The following CFAP52 variants were observed in gnomAD, a reference collection of about 807,000 sequenced individuals.
CFAP52 encodes cilia- and flagella-associated protein 52.
In CFAP52, 57 loss-of-function variants were observed where a neutral mutation model predicts 70.5. The observed-to-expected ratio is 0.81, with a 90% CI of 0.65 to 1.01. The LOEUF (loss-of-function observed/expected upper bound fraction) is 1.01. Among genes scored for constraint, CFAP52 ranks in the 50% least tolerant of loss-of-function variants. The probability of loss-of-function intolerance (pLI) is 0.00; values close to 1 mark genes in which losing one functional copy is unlikely to be tolerated. For synonymous variants in CFAP52, 267 were observed against 292.5 expected, an observed-to-expected ratio of 0.91 and a Z score of 0.89; for missense variants, 785 against 788.5, an observed-to-expected ratio of 1.00 and a Z score of 0.05.
chr17:9,588,986 C>T (rs1215884113), intron 3 of CFAP52, among the ~76,000 whole-genome samples: 1 of 152,088 alleles, frequency 6.6e-6, no homozygotes, highest in Non-Finnish European at 1.5e-5. Context: ...CCTGTAATCC[C>T]AGCTACTTGG....
chr17:9,600,454 G>A (rs891727713), intron 6 of CFAP52, among the ~76,000 whole-genome samples: 1 of 151,514 alleles, frequency 6.6e-6, no homozygotes, highest in Non-Finnish European at 1.5e-5. Context: ...TGTTGGCTAG[G>A]CTAATCTTGA....
chr17:9,591,030 C>CT (rs34888799), intron 3 of CFAP52, among the ~76,000 whole-genome samples: 63,809 of 77,044 alleles, frequency 0.83, 27,045 homozygotes, highest in South Asian at 0.93. Context: ...TTGCATGCAT[C>CT]TTTTTTTTTT....
In CFAP52 at chr17:9,632,768, T is replaced by C. The variant is rs901362297; in HGVS notation, c.1175-120T>C. ...GGTGACCAGCATTCAGCTGAGCTGG[T>C]CTCTTTCCTCCAGCACAGCACCACT... is the stretch of plus-strand genomic sequence containing the variant. On this transcript the variant is annotated intron_variant, in intron 9 of 13. Coordinates refer to ENST00000352665, the MANE Select transcript of CFAP52 (RefSeq NM_145054.5). The C allele has an allele frequency of 4.4e-5, 62 of 1,399,966 alleles. 1 individual carries two copies. Among genetic ancestry groups the C allele is most frequent in the Non-Finnish European group, 5.9e-5 (62 of 1,050,768 alleles). 86.7% of individuals were successfully genotyped at this position (1,399,966 alleles called of 1,614,324 possible). A position where few individuals can be genotyped will look rare whatever the true frequency, so the allele number is the denominator to read the frequency against.
chr17:9,612,232 C>A, intron 7 of CFAP52, 77 bp from the exon 8 acceptor site: 1 of 1,529,520 alleles, frequency 6.5e-7, no homozygotes, highest in Non-Finnish European at 8.9e-7. Flanking sequence ...GATTTGTATC[C>A]TCTGCCATGC....
At chr17:9,636,228 AAAGAAAG>A (rs1910791286) in intron 11 of CFAP52, among the ~76,000 whole-genome samples, 1 of 150,174 alleles carries the variant, frequency 6.7e-6, no homozygotes, top group African/African-American at 2.5e-5. Flanking sequence ...AGAAAGAAAG[AAAGAAAG>A]AAAGAAAGAA....
At chr17:9,630,637 A>G (rs1910437819) in intron 9 of CFAP52, among the ~76,000 whole-genome samples, 1 of 150,202 alleles carries the variant, frequency 6.7e-6, no homozygotes, top group South Asian at 2.1e-4. Context: ...TCACCGTGTT[A>G]GCCAGGATGG....
chr17:9,599,217 G>C (rs1909156936), intron 5 of CFAP52, among the ~76,000 whole-genome samples: 1 of 152,120 alleles, frequency 6.6e-6, no homozygotes, highest in Non-Finnish European at 1.5e-5. Flanking sequence ...ATGTGCTAAT[G>C]AGCATTTCCT....
chr17:9,640,229 T>A (rs1003132399), intron 12 of CFAP52, among the ~76,000 whole-genome samples: 30 of 151,600 alleles, frequency 2.0e-4, no homozygotes, highest in African/African-American at 4.8e-4. Flanking sequence ...GCACTCTTTT[T>A]TTTTTTTTTT....
chr17:9,580,203 C>A (rs868306563), intron 1 of CFAP52, among the ~76,000 whole-genome samples: 35 of 151,916 alleles, frequency 2.3e-4, no homozygotes, highest in African/African-American at 8.2e-4. Flanking sequence ...TGTAGCTATG[C>A]CCATTTGTTT....
At chr17:9,639,430 TA>T (rs796910382) in intron 12 of CFAP52, among the ~76,000 whole-genome samples, 529 of 140,840 alleles carry the variant, frequency 3.8e-3, no homozygotes, top group South Asian at 5.0e-3. Flanking sequence ...GACTCTCTCT[TA>T]AAAAAAAAAA....
chr17:9,623,666 CT>C (rs200546540), intron 8 of CFAP52, among the ~76,000 whole-genome samples: 141 of 142,616 alleles, frequency 9.9e-4, no homozygotes, highest in African/African-American at 3.7e-3. Flanking sequence ...CTTTGCTTAG[CT>C]TTTTTTGTTT....
At chr17:9,581,471 G>C (rs1330204316) in intron 1 of CFAP52, among the ~76,000 whole-genome samples, 2 of 152,010 alleles carry the variant, frequency 1.3e-5, no homozygotes, top group Non-Finnish European at 1.5e-5. Context: ...TTGCCATACA[G>C]TGTATATGAT....
chr17:9,641,689 T>C (rs375017084), intron 12 of CFAP52, 35 bp from the exon 13 acceptor site: 7 of 1,520,360 alleles, frequency 4.6e-6, no homozygotes, highest in African/African-American at 1.4e-5. Flanking sequence ...TCTCCTGAGC[T>C]GAGTCCTGCT....
intron 4 of CFAP52, among the ~76,000 whole-genome samples, chr17:9,595,403 G>T (rs1024739262): frequency 6.6e-6 from 1 of 152,080 alleles, no homozygotes; most frequent in East Asian, 1.9e-4. Flanking sequence ...TATGAGGAAC[G>T]ATTCATTCAG....
At position 9,598,582 on chromosome 17, in the gene CFAP52, T is replaced by C. The variant is rs1270147917; in HGVS notation, c.636+249T>C. 4.0e-5 allele frequency: 10 copies of C among 246,948 alleles called. 1 individual carries two copies. The highest frequency in any genetic ancestry group is 7.0e-5 in the Non-Finnish European group (9 of 128,548). 15.3% of individuals were successfully genotyped at this position (246,948 alleles called of 1,614,324 possible). ...TTCGAGACCAGCCTGGCCAACATGG[T>C]GAAACCTTGTCTCTACTAAAAATAC... On this transcript the variant is annotated intron_variant, in intron 5 of 13. Transcript: ENST00000352665.
chr17:9,598,072 G>A (rs1016580556), intron 4 of CFAP52, among the ~76,000 whole-genome samples, 162 bp from the exon 5 acceptor site: 5 of 151,992 alleles, frequency 3.3e-5, no homozygotes, highest in African/African-American at 4.8e-5. Flanking sequence ...AACCTGCCTC[G>A]TGGTGGTGTT....
Position 9,640,726 on chromosome 17 carries a change from T to G in CFAP52, c.1576-998T>G, listed in dbSNP as rs144300561. Among the ~76,000 whole-genome samples, 39 of 152,158 alleles carry G rather than the reference T, an allele frequency of 2.6e-4. 1 individual carries two copies. The East Asian group carries it at 7.2e-3, about 28-fold the overall frequency. On this transcript the variant is annotated intron_variant, in intron 12 of 13. Coordinates refer to ENST00000352665, the MANE Select transcript of CFAP52 (RefSeq NM_145054.5). ...TCAGCTCACTGCAACCTCCTACAAC[T>G]TTCACCTCCTGGGTACAAGTGATTC...
chr17:9,624,036 A>C (rs1177962351), intron 8 of CFAP52, among the ~76,000 whole-genome samples: 3 of 152,162 alleles, frequency 2.0e-5, no homozygotes, highest in African/African-American at 7.2e-5. Flanking sequence ...AGACTTTCTA[A>C]TGAGAAGTCA....
chr17:9,614,842 C>T (rs760723032), intron 8 of CFAP52, among the ~76,000 whole-genome samples: 4 of 152,192 alleles, frequency 2.6e-5, no homozygotes, highest in African/African-American at 7.2e-5. Flanking sequence ...TGCCAAACTT[C>T]CCCTGGTGGC....
Sources: allele counts gnomAD v4.1 joint callset (sites outside exome capture counted in the v4.1 genomes callset), GRCh38; gene constraint gnomAD v4.1.1; transcripts MANE v1.5; gene names NCBI Gene and HGNC (gene_info 2026-07-23, HGNC 2026-07-21).